VARS2: variants seen among roughly 807,000 people sequenced by gnomAD.
VARS2 encodes the protein valyl-tRNA synthetase 2, mitochondrial, also known as valine--tRNA ligase, mitochondrial.
A neutral mutation model predicts 154.1 loss-of-function variants in VARS2; 105 were observed. That is an observed-to-expected ratio of 0.68 (90% CI 0.58 to 0.80). The LOEUF (loss-of-function observed/expected upper bound fraction) is 0.80, where lower values mean the gene tolerates loss of function less well. Ranked by LOEUF, VARS2 falls within the 30% of genes least tolerant of loss-of-function variation. The pLI is 0.00. For missense variants in VARS2, 1,157 were observed against 1,361.4 expected, an observed-to-expected ratio of 0.85 and a Z score of 2.36; for synonymous variants, 483 against 539.5, an observed-to-expected ratio of 0.90 and a Z score of 1.45.
At position 30,923,461 on chromosome 6, in the gene VARS2, G is replaced by A; in HGVS notation, c.2422G>A (p.Ala808Thr). Reference protein sequence around the residue: ...LTRELSLVTHALHHFWLHNLC... With the variant: ...LTRELSLVTHTLHHFWLHNLC... ...CCGAGAGCTCTCGCTCGTCACTCAT[G>A]CCCTGCACCACTTCTGGCTTCACAA... The change falls in exon 25 of 30, where the codon GCC (alanine) becomes ACC (threonine). Residue 808 changes from alanine (A) to threonine (T), a missense_variant. Ala to Thr is a moderately conservative substitution (Grantham distance 58). Coordinates refer to ENST00000676266, the MANE Select transcript of VARS2 (RefSeq NM_020442.6). 1 of 1,612,174 alleles carries A rather than the reference G, an allele frequency of 6.2e-7. No individual in the cohort carries two copies. The highest frequency in any genetic ancestry group is 8.5e-7 in the Non-Finnish European group (1 of 1,179,990).
In VARS2 at chr6:30,919,649, T is replaced by C. The variant is rs1234016105; in HGVS notation, c.1075-109T>C. On this transcript the variant is annotated intron_variant, in intron 11 of 29. Coordinates refer to ENST00000676266, the MANE Select transcript of VARS2 (RefSeq NM_020442.6). This position sits in a 1 kb window ranked among gnomAD's most constrained non-coding sequence, Gnocchi z 4.5. ...AAGAGTTTGCTGACCTTGCTCTAGCTTGCTACCTTCCACTTTCTACCTTCT... is the reference window on the plus strand; with the variant it reads ...AAGAGTTTGCTGACCTTGCTCTAGCCTGCTACCTTCCACTTTCTACCTTCT... The C allele has an allele frequency of 1.5e-5, 13 of 851,802 alleles. No individual in the cohort carries two copies. The highest frequency in any genetic ancestry group is 2.2e-5 in the Non-Finnish European group (13 of 580,640). The allele number at this position is 851,802 out of a possible 1,614,324, so 52.8% of individuals were successfully genotyped here. A position where few individuals can be genotyped will look rare whatever the true frequency, so the allele number is the denominator to read the frequency against.
chr6:30,917,038 C>T lies in VARS2; in HGVS notation c.754-67C>T. 1 of 1,613,620 alleles carries T rather than the reference C, an allele frequency of 6.2e-7. No individual in the cohort carries two copies. Among genetic ancestry groups the T allele is most frequent in the Non-Finnish European group, 8.5e-7 (1 of 1,179,598 alleles). On this transcript the variant is annotated intron_variant, in intron 8 of 29. Coordinates refer to ENST00000676266, the MANE Select transcript of VARS2 (RefSeq NM_020442.6). This position sits in a 1 kb window ranked among gnomAD's most constrained non-coding sequence, Gnocchi z 4.4. ...GTGTGGGGCAGGGAGGAAGCAATGC[C>T]TGGGTCCCTGAGCAGGGTGATGGGC...
At position 30,924,471 on chromosome 6, in the gene VARS2, G is replaced by A. The variant is rs200019717; in HGVS notation, c.2584G>A (p.Glu862Lys). ...LLAPLMPFLA[E>K]ELWQRLPPRP... Reference sequence around the variant, plus strand: ...GGCCCCACTGATGCCCTTCCTGGCTGAAGAGCTCTGGCAGAGGCTGCCCCC... The same window carrying A: ...GGCCCCACTGATGCCCTTCCTGGCTAAAGAGCTCTGGCAGAGGCTGCCCCC... The change falls in exon 26 of 30, where the codon GAA becomes AAA. Residue 862 changes from glutamate to lysine, a missense_variant. Coordinates refer to ENST00000676266, the MANE Select transcript of VARS2 (RefSeq NM_020442.6). The A allele has an allele frequency of 3.3e-4, 529 of 1,611,764 alleles. No homozygotes were observed. Among genetic ancestry groups the A allele is most frequent in the Non-Finnish European group, 4.3e-4 (513 of 1,179,336 alleles).
chr6:30,915,775 C>G lies in VARS2; in HGVS notation c.414C>G (p.Thr138=). Residue 138 remains threonine (T), a synonymous_variant, in exon 5 of 30, where the codon ACC becomes ACG. Coordinates refer to ENST00000676266, the MANE Select transcript of VARS2 (RefSeq NM_020442.6). The part of the protein sequence containing the change: ...QARLPQATGE[T]FSMCIPPPNV... Reference sequence around the variant, plus strand: ...GGCTGCCCCAAGCTACAGGGGAGACCTTTTCCATGTGTATCCCACCTCCCA... The same window carrying G: ...GGCTGCCCCAAGCTACAGGGGAGACGTTTTCCATGTGTATCCCACCTCCCA... The G allele has an allele frequency of 6.2e-7, 1 of 1,613,720 alleles. No homozygotes were observed.
rs746640022 is a variant in VARS2, at chr6:30,916,868, C to G, written c.672-10C>G. 1 of 1,614,052 alleles carries G rather than the reference C, an allele frequency of 6.2e-7. No individual in the cohort carries two copies. Among genetic ancestry groups the G allele is most frequent in the Admixed American group, 1.7e-5 (1 of 60,010 alleles). ...GAAGTGTTTGCTGACAAGGATCTCTCTGGGCACAGGAAAGGTGGAGAGATC... is the reference window on the plus strand; with the variant it reads ...GAAGTGTTTGCTGACAAGGATCTCTGTGGGCACAGGAAAGGTGGAGAGATC... On this transcript the variant is annotated splice_polypyrimidine_tract_variant and intron_variant, in intron 7 of 29. Coordinates refer to ENST00000676266, the MANE Select transcript of VARS2 (RefSeq NM_020442.6). The surrounding 1 kb of genome is among the most constrained non-coding windows in gnomAD (Gnocchi z 4.0).
rs1332634080 is a variant in VARS2, at chr6:30,921,080, G to A, written c.1495G>A (p.Ala499Thr). 5 of 1,613,258 alleles carry A rather than the reference G, an allele frequency of 3.1e-6. No homozygotes were observed. Among genetic ancestry groups the A allele is most frequent in the South Asian group, 2.2e-5 (2 of 90,926 alleles). Residue 499 changes from alanine (A) to threonine (T), a missense_variant, in exon 16 of 30, where the codon GCC (alanine) becomes ACC (threonine). Physicochemically the swap from Ala to Thr is moderately conservative, Grantham distance 58. Transcript: ENST00000676266. The surrounding 1 kb of genome is among the most constrained non-coding windows in gnomAD (Gnocchi z 4.6). Reference sequence around the variant, plus strand: ...TTCTCTCCAGGCTGTGGAGTCGGGGGCCCTGGAGCTCAGTCCCTCCTTCCA... The same window carrying A: ...TTCTCTCCAGGCTGTGGAGTCGGGGACCCTGGAGCTCAGTCCCTCCTTCCA... ...ARAAKAVESG[A>T]LELSPSFHQK...
At position 30,922,852 on chromosome 6, in the gene VARS2, G is replaced by C. The variant is rs766861502; in HGVS notation, c.2107-46G>C. The C allele has an allele frequency of 8.9e-6, 14 of 1,580,506 alleles. No homozygotes were observed. The Middle Eastern group carries it at 5.1e-4, about 57-fold the overall frequency. On this transcript the variant is annotated intron_variant, in intron 22 of 29. Coordinates refer to ENST00000676266, the MANE Select transcript of VARS2 (RefSeq NM_020442.6). ...CCTCTGCAACCCAGGTCCTGGCCCT[G>C]CAGCCACAAAGGCATCTGCCACCCT...
At chr6:30,915,926 G>A (rs1261952893) in intron 5 of VARS2, 55 bp from the exon 6 acceptor site, 5 of 1,614,056 alleles carry the variant, frequency 3.1e-6, no homozygotes, top group Non-Finnish European at 4.2e-6. Flanking sequence ...GGGCAGGAAT[G>A]AGTGAGGATA....
rs1367040258 is a variant in VARS2, at chr6:30,921,851, G to A, written c.1736-74G>A. The A allele has an allele frequency of 1.1e-5, 18 of 1,598,650 alleles. No individual in the cohort carries two copies. The highest frequency in any genetic ancestry group is 1.5e-5 in the Non-Finnish European group (17 of 1,168,312). ...GTCTCTGGGGGTGGGGGTTGGCCTA[G>A]AATGGTGGCAGCAGTGGTCTGAGGT... On this transcript the variant is annotated intron_variant, in intron 18 of 29. Coordinates refer to ENST00000676266, the MANE Select transcript of VARS2 (RefSeq NM_020442.6). The surrounding 1 kb of genome is among the most constrained non-coding windows in gnomAD (Gnocchi z 4.6).
chr6:30,921,662 G>A lies in VARS2; in HGVS notation c.1706G>A (p.Arg569Lys). The change falls in exon 18 of 30, where the codon AGG becomes AAG. Residue 569 changes from arginine (R) to lysine (K), a missense_variant. Arg to Lys is a conservative substitution (Grantham distance 26). Transcript: ENST00000676266. The surrounding 1 kb of genome is among the most constrained non-coding windows in gnomAD (Gnocchi z 4.6). ...GAGGTAGCAGCGGAACTGACAGGGA[G>A]GCCAGGGGCAGAGCTGACCCTGGAG... The part of the protein sequence containing the change: ...AREVAAELTG[R>K]PGAELTLERD... The A allele has an allele frequency of 3.1e-6, 5 of 1,608,352 alleles. No individual in the cohort carries two copies. Among genetic ancestry groups the A allele is most frequent in the Non-Finnish European group, 4.2e-6 (5 of 1,178,678 alleles).
rs1389603089 is a variant in VARS2, at chr6:30,920,227, C to A, written c.1293+11C>A. 2 of 1,560,600 alleles carry A rather than the reference C, an allele frequency of 1.3e-6. No homozygotes were observed. The highest frequency in any genetic ancestry group is 4.5e-5 in the East Asian group (2 of 44,380). ...GGGGACTGGCTGCAGGTGGTACCAC[C>A]CTATGTTACCCCATCCTTTGGGGGC... On this transcript the variant is annotated intron_variant, in intron 13 of 29. Coordinates refer to ENST00000676266, the MANE Select transcript of VARS2 (RefSeq NM_020442.6). The surrounding 1 kb of genome is among the most constrained non-coding windows in gnomAD (Gnocchi z 4.6).
Position 30,919,026 on chromosome 6 carries a change from ACTTC to A in VARS2, c.1074+112_1074+115del. 2.0e-6 allele frequency: 2 copies of A among 1,007,072 alleles called. No homozygotes were observed. Among genetic ancestry groups the A allele is most frequent in the Non-Finnish European group, 3.0e-6 (2 of 664,592 alleles). 62.4% of individuals were successfully genotyped at this position (1,007,072 alleles called of 1,614,324 possible). A position where few individuals can be genotyped will look rare whatever the true frequency, so the allele number is the denominator to read the frequency against. ...CTTGCTTCTACTTCCTTTTCCTGAG[ACTTC>A]TCTCAGTGGTTCTGATTGGACTCCC... On this transcript the variant is annotated intron_variant, in intron 11 of 29. Transcript: ENST00000676266. This position sits in a 1 kb window ranked among gnomAD's most constrained non-coding sequence, Gnocchi z 4.5.
In VARS2 at chr6:30,920,003, C is replaced by CGGTGCAGGTGA; in HGVS notation, c.1166-86_1166-85insGGTGCAGGTGA. ...GCACAGACAGAGAAAGTCGCAGGGG[C>CGGTGCAGGTGA]TGGGGCGGTGCAGGTGATGATGATA... On this transcript the variant is annotated intron_variant, in intron 12 of 29. Coordinates refer to ENST00000676266, the MANE Select transcript of VARS2 (RefSeq NM_020442.6). This position sits in a 1 kb window ranked among gnomAD's most constrained non-coding sequence, Gnocchi z 4.6. 1.4e-6 allele frequency: 2 copies of CGGTGCAGGTGA among 1,455,654 alleles called. No homozygotes were observed. Among genetic ancestry groups the CGGTGCAGGTGA allele is most frequent in the Non-Finnish European group, 9.1e-7 (1 of 1,097,270 alleles). The allele number at this position is 1,455,654 out of a possible 1,614,324, so 90.2% of individuals were successfully genotyped here. A position where few individuals can be genotyped will look rare whatever the true frequency, so the allele number is the denominator to read the frequency against.
rs746377238 is a variant in VARS2, at chr6:30,922,523, C to T, written c.2006C>T (p.Pro669Leu). The T allele has an allele frequency of 1.1e-5, 17 of 1,578,402 alleles. No individual in the cohort carries two copies. In the East Asian group the frequency reaches 3.4e-4, roughly 31 times the overall value. Reference protein sequence around the residue: ...MSKSLGNVLDPRDIISGVEMQ... With the variant: ...MSKSLGNVLDLRDIISGVEMQ... ...AAGTCCCTGGGGAATGTGCTGGACC[C>T]AAGAGACATCATCAGTGGGGTGGAG... is the stretch of plus-strand genomic sequence containing the variant. The change falls in exon 21 of 30, where the codon CCA (proline) becomes CTA (leucine). Residue 669 changes from proline to leucine, a missense_variant. Coordinates refer to ENST00000676266, the MANE Select transcript of VARS2 (RefSeq NM_020442.6).
At position 30,919,075 on chromosome 6, in the gene VARS2, C is replaced by T; in HGVS notation, c.1074+160C>T. The T allele has an allele frequency of 1.5e-6, 1 of 663,270 alleles. No homozygotes were observed. The highest frequency in any genetic ancestry group is 2.5e-6 in the Non-Finnish European group (1 of 392,406). 41.1% of individuals were successfully genotyped at this position (663,270 alleles called of 1,614,324 possible). On this transcript the variant is annotated intron_variant, in intron 11 of 29. Transcript: ENST00000676266. This position sits in a 1 kb window ranked among gnomAD's most constrained non-coding sequence, Gnocchi z 4.5. ...ACTCCCTCCTCCTCTTATAGTTTTT[C>T]TGTAGCTCAGGGGTTGACAAACTGG...
chr6:30,914,625 C>A, intron 1 of VARS2, 185 bp from the exon 2 acceptor site: 1 of 1,128,856 alleles, frequency 8.9e-7, no homozygotes, highest in South Asian at 1.7e-5. Flanking sequence ...CCCTGATATC[C>A]GTGGCTCCAT....
rs541091465 is a variant in VARS2 at position 30,918,882 on chromosome 6, T to C, written c.1041T>C (p.Ala347=). The C allele has an allele frequency of 6.2e-7, 1 of 1,613,016 alleles. No individual in the cohort carries two copies. Among genetic ancestry groups the C allele is most frequent in the South Asian group, 1.1e-5 (1 of 91,076 alleles). Residue 347 remains alanine, a synonymous_variant, in exon 11 of 30, where the codon GCT becomes GCC. Transcript: ENST00000676266. ...CAGAGACGCTGCCTGGAGATGTGGC[T>C]GTGGCCGTTCATCCAGACGACTCGC... ...TRPETLPGDV[A]VAVHPDDSRY... is the part of the protein sequence containing the mutation.
At position 30,919,960 on chromosome 6, in the gene VARS2, G is replaced by A. The variant is rs1582185527; in HGVS notation, c.1165+112G>A. ...GAGATCCTCATATAGGGTGGTCTGA[G>A]TGGGGAATGGGAGGGAGGCACAGAC... is the stretch of plus-strand genomic sequence containing the variant. On this transcript the variant is annotated intron_variant, in intron 12 of 29. Coordinates refer to ENST00000676266, the MANE Select transcript of VARS2 (RefSeq NM_020442.6). The surrounding 1 kb of genome is among the most constrained non-coding windows in gnomAD (Gnocchi z 4.5). The A allele has an allele frequency of 6.8e-7, 1 of 1,476,560 alleles. No individual in the cohort carries two copies. The highest frequency in any genetic ancestry group is 9.1e-7 in the Non-Finnish European group (1 of 1,104,474). The allele number at this position is 1,476,560 out of a possible 1,614,324, so 91.5% of individuals were successfully genotyped here.
chr6:30,922,678 G>C, intron 21 of VARS2, 28 bp from the exon 22 acceptor site: 1 of 1,607,078 alleles, frequency 6.2e-7, no homozygotes. Context: ...TTCGACCTGG[G>C]TCGTGAATTG....
Sources: allele counts gnomAD v4.1 joint callset, GRCh38; gene constraint gnomAD v4.1.1; non-coding constraint Gnocchi (gnomAD v3.1); transcripts MANE v1.5; gene names NCBI Gene and HGNC (gene_info 2026-07-23, HGNC 2026-07-21).